B3GAT2: variants seen among roughly 807,000 people sequenced by gnomAD.
The protein encoded by B3GAT2 is beta-1,3-glucuronyltransferase 2, also known as galactosylgalactosylxylosylprotein 3-beta-glucuronosyltransferase 2.
A neutral mutation model predicts 27.8 loss-of-function variants in B3GAT2; 26 were observed. That is an observed-to-expected ratio of 0.93 (90% CI 0.68 to 1.30). The LOEUF is 1.30. B3GAT2 is among the 50% of genes most tolerant of loss of function. The pLI, the probability that B3GAT2 is intolerant of heterozygous loss-of-function variation, is 0.00. For synonymous variants in B3GAT2, 218 were observed against 195.1 expected, an observed-to-expected ratio of 1.12 and a Z score of -0.98; for missense variants, 458 against 459.0, an observed-to-expected ratio of 1.00 and a Z score of 0.02.
intron 2 of B3GAT2, among the ~76,000 whole-genome samples, chr6:70,889,619 C>T (rs1326751332): frequency 1.3e-5 from 2 of 152,114 alleles, no homozygotes; most frequent in East Asian, 3.9e-4. Flanking sequence ...ACACAACCCT[C>T]GAGTTGGAGG....
At chr6:70,929,228 T>C (rs1284734374) in intron 1 of B3GAT2, among the ~76,000 whole-genome samples, 2 of 151,990 alleles carry the variant, frequency 1.3e-5, no homozygotes, top group African/African-American at 4.8e-5. Flanking sequence ...GGGATAGCAT[T>C]AGGAGATATA....
rs766706956 is a variant in B3GAT2 at position 70,856,903 on chromosome 6, A to T, written c.*4760T>A. On this transcript the variant is annotated 3_prime_UTR_variant, in exon 4 of 4. Coordinates refer to ENST00000230053, the MANE Select transcript of B3GAT2 (RefSeq NM_080742.3). ...CAGCTGCAACCCTGTCTACAGTAAC[A>T]TCTGGGGATCTAGATTTATTCACTG... is the stretch of plus-strand genomic sequence containing the variant. The T allele has an allele frequency of 6.2e-7, 1 of 1,613,956 alleles. No individual in the cohort carries two copies. Among genetic ancestry groups the T allele is most frequent in the South Asian group, 1.1e-5 (1 of 91,060 alleles).
At chr6:70,900,769 T>A (rs562289220) in intron 1 of B3GAT2, among the ~76,000 whole-genome samples, 1 of 152,304 alleles carries the variant, frequency 6.6e-6, no homozygotes, top group South Asian at 2.1e-4. Context: ...AAGTTAAATG[T>A]CTTTAGCTTC....
rs1765668686 is a variant in B3GAT2 at position 70,956,973 on chromosome 6, G to T, written c.-544C>A. On this transcript the variant is annotated 5_prime_UTR_variant, in exon 1 of 4. Transcript: ENST00000230053. ...GGAGCGGGTGGAGACGCTGGGGGTTGTGTCCCGGCTGTGTTCGCGCGCCGC... is the reference window on the plus strand; with the variant it reads ...GGAGCGGGTGGAGACGCTGGGGGTTTTGTCCCGGCTGTGTTCGCGCGCCGC... 8 of 1,003,996 alleles carry T rather than the reference G, an allele frequency of 8.0e-6. No individual in the cohort carries two copies. The highest frequency in any genetic ancestry group is 1.7e-5 in the African/African-American group (1 of 57,388). 62.2% of individuals were successfully genotyped at this position (1,003,996 alleles called of 1,614,324 possible).
At chr6:70,915,608 T>G (rs1367600722) in intron 1 of B3GAT2, among the ~76,000 whole-genome samples, 2 of 152,262 alleles carry the variant, frequency 1.3e-5, no homozygotes, top group African/African-American at 4.8e-5. Flanking sequence ...GGATCCAGTT[T>G]CAGCTTTCTA....
At chr6:70,954,233 G>C (rs1031752366) in intron 1 of B3GAT2, among the ~76,000 whole-genome samples, 15 of 152,154 alleles carry the variant, frequency 9.9e-5, no homozygotes, top group African/African-American at 9.7e-5. Flanking sequence ...TCTTTTGGAG[G>C]GGGGAGCACT....
intron 1 of B3GAT2, among the ~76,000 whole-genome samples, chr6:70,939,917 T>A (rs533134333): frequency 3.6e-4 from 54 of 151,858 alleles, no homozygotes; most frequent in Non-Finnish European, 6.0e-4. Flanking sequence ...ATAAAAAAAA[T>A]AAAATGTAGA....
intron 1 of B3GAT2, among the ~76,000 whole-genome samples, chr6:70,912,961 G>T (rs1457527736): frequency 1.2e-4 from 19 of 152,086 alleles, no homozygotes; most frequent in Admixed American, 7.9e-4. Context: ...CTGCATAGAG[G>T]TGTTTGTAAT....
intron 1 of B3GAT2, among the ~76,000 whole-genome samples, chr6:70,929,206 G>T (rs548213205): frequency 1.3e-5 from 2 of 152,078 alleles, no homozygotes; most frequent in East Asian, 3.9e-4. Flanking sequence ...ACCAGGGTAG[G>T]GAGAGGGGGG....
chr6:70,887,219 G>A (rs1479488104), intron 2 of B3GAT2, among the ~76,000 whole-genome samples: 1 of 152,188 alleles, frequency 6.6e-6, no homozygotes, highest in Non-Finnish European at 1.5e-5. Context: ...ATGATCATCT[G>A]ATCCGGGCTG....
chr6:70,901,997 C>T (rs185262565), intron 1 of B3GAT2, among the ~76,000 whole-genome samples: 112 of 152,098 alleles, frequency 7.4e-4, no homozygotes, highest in South Asian at 3.5e-3. Context: ...AATTTTAGCC[C>T]GTTAGATTTT....
intron 1 of B3GAT2, among the ~76,000 whole-genome samples, chr6:70,932,577 T>C (rs1773078574): frequency 6.6e-6 from 1 of 152,150 alleles, no homozygotes; most frequent in Non-Finnish European, 1.5e-5. Flanking sequence ...TTATATGAGG[T>C]ACCTAGTCCG....
intron 2 of B3GAT2, among the ~76,000 whole-genome samples, chr6:70,884,454 CTG>C (rs1446325121): frequency 6.6e-6 from 1 of 152,344 alleles, no homozygotes; most frequent in East Asian, 1.9e-4. Context: ...CCATCAGAGA[CTG>C]TGCCCGGCCT....
chr6:70,885,671 A>G (rs1346262729), intron 2 of B3GAT2, among the ~76,000 whole-genome samples: 3 of 152,148 alleles, frequency 2.0e-5, no homozygotes, highest in South Asian at 2.1e-4. Flanking sequence ...CAAAGCTACA[A>G]GTGGGTGCAG....
chr6:70,953,286 T>C (rs2150054018), intron 1 of B3GAT2, among the ~76,000 whole-genome samples: 1 of 152,348 alleles, frequency 6.6e-6, no homozygotes, highest in South Asian at 2.1e-4. Flanking sequence ...GTCTAAACTA[T>C]AATTTACACG....
At position 70,858,108 on chromosome 6, in the gene B3GAT2, G is replaced by C. The variant is rs1317299130; in HGVS notation, c.*3555C>G. The C allele has an allele frequency of 1.8e-5, 29 of 1,614,050 alleles. No homozygotes were observed. The highest frequency in any genetic ancestry group is 2.4e-5 in the Non-Finnish European group (28 of 1,179,994). On this transcript the variant is annotated 3_prime_UTR_variant, in exon 4 of 4. Coordinates refer to ENST00000230053, the MANE Select transcript of B3GAT2 (RefSeq NM_080742.3). ...GGGTTTATGGGAAATGCACAAACTG[G>C]TGTGATGCCACTTCCTCAGAACGTT...
At chr6:70,894,559 A>G (rs1772347267) in intron 1 of B3GAT2, among the ~76,000 whole-genome samples, 1 of 152,222 alleles carries the variant, frequency 6.6e-6, no homozygotes, top group African/African-American at 2.4e-5. Flanking sequence ...AGTTGCAACT[A>G]TCAGATATTT....
chr6:70,904,785 A>G (rs932603818), intron 1 of B3GAT2, among the ~76,000 whole-genome samples: 3 of 152,186 alleles, frequency 2.0e-5, no homozygotes, highest in African/African-American at 7.2e-5. Flanking sequence ...TCTTGGGTAA[A>G]AGTTATTGGA....
chr6:70,873,954 AT>A (rs1160362841), intron 2 of B3GAT2, among the ~76,000 whole-genome samples: 1 of 151,780 alleles, frequency 6.6e-6, no homozygotes, highest in Non-Finnish European at 1.5e-5. Context: ...TCATTCTCCC[AT>A]TTTTCTTTAG....
Sources: allele counts gnomAD v4.1 joint callset (sites outside exome capture counted in the v4.1 genomes callset), GRCh38; gene constraint gnomAD v4.1.1; transcripts MANE v1.5; gene names NCBI Gene and HGNC (gene_info 2026-07-23, HGNC 2026-07-21).